Variants in RBFOX1 observed in about 807,000 individuals in gnomAD.
The protein encoded by RBFOX1 is RNA binding protein fox-1 homolog 1.
A neutral mutation model predicts 57.7 loss-of-function variants in RBFOX1; 8 were observed. The observed-to-expected ratio is 0.14, with a 90% CI of 0.08 to 0.25. RBFOX1 has a LOEUF of 0.25. Among genes scored for constraint, RBFOX1 ranks in the 10% least tolerant of loss-of-function variants. The pLI, the probability that RBFOX1 is intolerant of heterozygous loss-of-function variation, is 1.00. For synonymous variants in RBFOX1, 326 were observed against 222.4 expected, an observed-to-expected ratio of 1.47 and a Z score of -4.15; for missense variants, 611 against 548.5, an observed-to-expected ratio of 1.11 and a Z score of -1.14.
intron 4 of RBFOX1, among the ~76,000 whole-genome samples, chr16:7,228,284 A>G (rs892457875): frequency 6.6e-6 from 1 of 152,166 alleles, no homozygotes. Flanking sequence ...GACTATATTC[A>G]TCCTCAAGGT....
chr16:7,679,659 G>C (rs551582660), intron 14 of RBFOX1, among the ~76,000 whole-genome samples: 1 of 152,064 alleles, frequency 6.6e-6, no homozygotes, highest in African/African-American at 2.4e-5. Flanking sequence ...AGGGATCTTT[G>C]AAAAATATTG....
At chr16:5,915,169 T>A (rs1414099276) in intron 4 of RBFOX1, among the ~76,000 whole-genome samples, 1 of 152,186 alleles carries the variant, frequency 6.6e-6, no homozygotes, top group Non-Finnish European at 1.5e-5. Flanking sequence ...CTTCTAGGTA[T>A]CTAGATTGTA....
intron 1 of RBFOX1, among the ~76,000 whole-genome samples, chr16:5,372,050 G>T (rs2151374290): frequency 6.6e-6 from 1 of 152,340 alleles, no homozygotes; most frequent in East Asian, 1.9e-4. Flanking sequence ...AGAGCAAAAG[G>T]ACTGGAGATG....
intron 3 of RBFOX1, among the ~76,000 whole-genome samples, chr16:6,797,494 T>TGG (rs2084357578): frequency 6.6e-6 from 1 of 152,202 alleles, no homozygotes; most frequent in South Asian, 2.1e-4. Flanking sequence ...AGTACAAGCC[T>TGG]AATGTTGCTG....
chr16:7,245,958 C>T (rs907843918), intron 4 of RBFOX1, among the ~76,000 whole-genome samples: 1 of 152,120 alleles, frequency 6.6e-6, no homozygotes, highest in Non-Finnish European at 1.5e-5. Context: ...ATTAGCCCAT[C>T]CCTGAAAAAA....
At chr16:6,171,361 C>T (rs2152765908) in intron 1 of RBFOX1, among the ~76,000 whole-genome samples, 1 of 152,282 alleles carries the variant, frequency 6.6e-6, no homozygotes, top group South Asian at 2.1e-4. Context: ...AGGTTGTTCT[C>T]AATTCTTTCC....
intron 4 of RBFOX1, among the ~76,000 whole-genome samples, chr16:7,184,771 C>T (rs1405640770): frequency 6.6e-6 from 1 of 152,122 alleles, no homozygotes; most frequent in Non-Finnish European, 1.5e-5. Context: ...AAGTCAGAAA[C>T]CTTAGTTCTG....
At chr16:5,633,703 G>A (rs946344031) in intron 3 of RBFOX1, among the ~76,000 whole-genome samples, 7 of 151,994 alleles carry the variant, frequency 4.6e-5, no homozygotes, top group Non-Finnish European at 7.4e-5. Context: ...GTGAAACTCC[G>A]TCTCTTCTAA....
Position 6,825,232 on chromosome 16 carries a change from A to C in RBFOX1, c.-16+170582A>C, listed in dbSNP as rs549581324. ...GGGAGGCTGCTTAGCAATTAACCTC[A>C]CTGCCCTCTAGCTACTAGATACCAA... On this transcript the variant is annotated intron_variant, in intron 3 of 15. Transcript: ENST00000550418. Among the ~76,000 whole-genome samples the C allele has an allele frequency of 3.5e-4, 52 of 149,282 alleles. 1 individual carries two copies. In the East Asian group the frequency reaches 8.1e-3, roughly 23 times the overall value.
chr16:6,721,279 C>G (rs532958957), intron 3 of RBFOX1, among the ~76,000 whole-genome samples: 37 of 152,078 alleles, frequency 2.4e-4, no homozygotes, highest in Non-Finnish European at 4.6e-4. Flanking sequence ...CCTGTCTGTA[C>G]TAAAACTACA....
intron 4 of RBFOX1, among the ~76,000 whole-genome samples, chr16:7,339,306 T>C (rs2096849532): frequency 6.6e-6 from 1 of 152,150 alleles, no homozygotes; most frequent in Non-Finnish European, 1.5e-5. Context: ...TAGGACTAGG[T>C]GATGTGGTAG....
intron 4 of RBFOX1, among the ~76,000 whole-genome samples, chr16:5,955,780 G>A (rs780687555): frequency 6.6e-6 from 1 of 152,158 alleles, no homozygotes; most frequent in Non-Finnish European, 1.5e-5. Flanking sequence ...GAAAAAGGCA[G>A]TGACCAGTAG....
At chr16:7,588,922 CA>C (rs1299828550) in intron 7 of RBFOX1, among the ~76,000 whole-genome samples, 7 of 152,264 alleles carry the variant, frequency 4.6e-5, no homozygotes, top group African/African-American at 1.4e-4. Context: ...GTCAGATGAG[CA>C]AAAACAAAAG....
chr16:6,503,312 A>G (rs1341471660), intron 2 of RBFOX1, among the ~76,000 whole-genome samples: 1 of 152,180 alleles, frequency 6.6e-6, no homozygotes, highest in East Asian at 1.9e-4. Context: ...TCTCCAGACG[A>G]GATGGGATAA....
intron 2 of RBFOX1, among the ~76,000 whole-genome samples, chr16:5,593,319 C>T (rs2047070975): frequency 1.4e-5 from 2 of 147,754 alleles, no homozygotes; most frequent in South Asian, 2.2e-4. Context: ...GGGAGGGGAA[C>T]ATCACATACC....
intron 4 of RBFOX1, among the ~76,000 whole-genome samples, chr16:7,106,095 T>C (rs969850851): frequency 1.3e-5 from 2 of 152,214 alleles, no homozygotes; most frequent in Admixed American, 6.6e-5. Flanking sequence ...TGTCTTGAAT[T>C]CCTCCTTGTC....
chr16:6,470,394 G>A (rs1027929323), intron 2 of RBFOX1, among the ~76,000 whole-genome samples: 1 of 152,220 alleles, frequency 6.6e-6, no homozygotes, highest in Non-Finnish European at 1.5e-5. Flanking sequence ...CTTACTGATG[G>A]CACAGTTTTA....
intron 1 of RBFOX1, among the ~76,000 whole-genome samples, chr16:6,072,228 C>T (rs1490248786): frequency 6.6e-6 from 1 of 152,094 alleles, no homozygotes; most frequent in African/African-American, 2.4e-5. Flanking sequence ...GGGTAAAACC[C>T]ACCCCCCCAT....
intron 3 of RBFOX1, among the ~76,000 whole-genome samples, chr16:6,832,418 C>G (rs879550256): frequency 1.3e-5 from 2 of 152,126 alleles, no homozygotes; most frequent in Non-Finnish European, 1.5e-5. Context: ...ACTGAGGGGT[C>G]TGCATTACTC....
Sources: allele counts gnomAD v4.1 joint callset (sites outside exome capture counted in the v4.1 genomes callset), GRCh38; gene constraint gnomAD v4.1.1; transcripts MANE v1.5; gene names NCBI Gene and HGNC (gene_info 2026-07-23, HGNC 2026-07-21).